MICAL2: variants seen among roughly 807,000 people sequenced by gnomAD.
MICAL2 encodes the protein microtubule associated monooxygenase, calponin and LIM domain containing 2, also known as [F-actin]-monooxygenase MICAL2.
A neutral mutation model predicts 127.3 loss-of-function variants in MICAL2; 77 were observed. The observed-to-expected ratio is 0.60, with a 90% CI of 0.50 to 0.73. The LOEUF (loss-of-function observed/expected upper bound fraction) is 0.73, where lower values mean the gene tolerates loss of function less well. Ranked by LOEUF, MICAL2 falls within the 30% of genes least tolerant of loss-of-function variation. The pLI is 0.00. For missense variants in MICAL2, 1,351 were observed against 1,434.4 expected (o/e 0.94, Z 0.94); for synonymous variants, 570 against 551.1 (o/e 1.03, Z -0.48).
chr11:12,255,381 T>C, intron 22 of MICAL2: 1 of 460,148 alleles, frequency 2.2e-6, no homozygotes. Context: ...CTCTACGATT[T>C]TGACTACTCT....
intron 1 of MICAL2, among the ~76,000 whole-genome samples, chr11:12,127,019 A>C (rs1850980068): frequency 1.3e-5 from 2 of 152,184 alleles, no homozygotes; most frequent in Non-Finnish European, 2.9e-5. Flanking sequence ...GCCTGCTTTG[A>C]AGGTGGGCAG....
At chr11:12,289,301 C>T (rs141437588), downstream of MICAL2, among the ~76,000 whole-genome samples, 68 of 152,312 alleles carry the variant, frequency 4.5e-4, no homozygotes, top group African/African-American at 1.4e-3. Context: ...AGGCAGCCCC[C>T]GGTGGGCCAT....
intron 32 of MICAL2, among the ~76,000 whole-genome samples, chr11:12,349,061 A>G (rs1939001895): frequency 1.3e-5 from 2 of 152,154 alleles, no homozygotes; most frequent in South Asian, 4.1e-4. Flanking sequence ...TCCAGGATAA[A>G]TCCTTCTAGG....
exon 31 of MICAL2, chr11:12,324,004 G>T: frequency 1.2e-6 from 2 of 1,611,178 alleles, no homozygotes; most frequent in Non-Finnish European, 1.7e-6. Flanking sequence ...GAAGAAGAAA[G>T]AAGCTAGAAA....
At chr11:12,272,805 G>A (rs1026157247), upstream of MICAL2, among the ~76,000 whole-genome samples, 1 of 151,894 alleles carries the variant, frequency 6.6e-6, no homozygotes, top group African/African-American at 2.4e-5. Flanking sequence ...GACTGAAGGG[G>A]TAGTGGCCAC....
At chr11:12,299,096 C>T (rs572166178) in intron 29 of MICAL2, among the ~76,000 whole-genome samples, 1 of 152,102 alleles carries the variant, frequency 6.6e-6, no homozygotes, top group Non-Finnish European at 1.5e-5. Context: ...AGTATGACTT[C>T]CTTGCCTTGG....
chr11:12,238,890 C>CA, intron 16 of MICAL2, among the ~76,000 whole-genome samples: 1 of 152,076 alleles, frequency 6.6e-6, no homozygotes, highest in African/African-American at 2.4e-5. Context: ...AAAAAGATAG[C>CA]AAAAATAGAG....
At chr11:12,117,743 G>A (rs1850156113) in intron 1 of MICAL2, among the ~76,000 whole-genome samples, 1 of 152,172 alleles carries the variant, frequency 6.6e-6, no homozygotes, top group Non-Finnish European at 1.5e-5. Context: ...TCAGCTCCAT[G>A]TATCAGGACA....
chr11:12,304,961 G>T (rs914460305), intron 29 of MICAL2, among the ~76,000 whole-genome samples: 2 of 152,134 alleles, frequency 1.3e-5, no homozygotes, highest in Admixed American at 6.5e-5. Context: ...TACAACATTT[G>T]CTGGGAATTT....
intron 22 of MICAL2, chr11:12,253,148 T>A (rs1861787005): frequency 6.6e-6 from 1 of 152,174 alleles, no homozygotes; most frequent in Admixed American, 6.5e-5. Flanking sequence ...GTATGTATAA[T>A]TGTGCCATGC....
chr11:12,281,304 CT>C (rs1266402848), intron 2 of MICAL2, among the ~76,000 whole-genome samples: 5 of 152,200 alleles, frequency 3.3e-5, no homozygotes, highest in Non-Finnish European at 4.4e-5. Flanking sequence ...CCATGAGAAG[CT>C]TTGGAATCCC....
intron 3 of MICAL2, 43 bp from the exon 4 acceptor site, chr11:12,204,207 G>A (rs757308255): frequency 5.6e-5 from 89 of 1,580,778 alleles, no homozygotes; most frequent in Non-Finnish European, 7.6e-5. Flanking sequence ...TGTCTGTGAT[G>A]CTAGAGGTTA....
intron 3 of MICAL2, among the ~76,000 whole-genome samples, chr11:12,195,615 A>G (rs1436012809): frequency 6.6e-6 from 1 of 152,112 alleles, no homozygotes; most frequent in African/African-American, 2.4e-5. Flanking sequence ...TGCTGGAAAT[A>G]TTTACAAATG....
At chr11:12,244,553 G>T (rs761639100) in intron 21 of MICAL2, among the ~76,000 whole-genome samples, 1 of 152,110 alleles carries the variant, frequency 6.6e-6, no homozygotes, top group East Asian at 1.9e-4. Context: ...TAAACTTAAC[G>T]TAACACTATT....
At chr11:12,134,427 G>A (rs1337570127) in intron 1 of MICAL2, among the ~76,000 whole-genome samples, 1 of 152,194 alleles carries the variant, frequency 6.6e-6, no homozygotes, top group Non-Finnish European at 1.5e-5. Context: ...CAACCAGGAA[G>A]CACAGGGCTG....
downstream of MICAL2, chr11:12,294,461 C>T (rs200236973): frequency 5.8e-5 from 94 of 1,614,196 alleles, no homozygotes; most frequent in East Asian, 8.5e-4. Context: ...CCCTGCCCTC[C>T]GCACCCACAG....
chr11:12,171,807 A>C (rs1279527514), intron 3 of MICAL2, among the ~76,000 whole-genome samples: 5 of 152,248 alleles, frequency 3.3e-5, no homozygotes, highest in Admixed American at 2.6e-4. Context: ...ATGTAAGCCC[A>C]TATATAATGT....
intron 18 of MICAL2, among the ~76,000 whole-genome samples, chr11:12,241,601 G>C (rs976315067): frequency 6.6e-6 from 1 of 152,250 alleles, no homozygotes; most frequent in Non-Finnish European, 1.5e-5. Context: ...GCCGGTGCCA[G>C]AGTAGCTGAG....
intron 23 of MICAL2, 38 bp from the exon 24 acceptor site, chr11:12,256,747 A>G: frequency 1.9e-6 from 3 of 1,545,916 alleles, no homozygotes; most frequent in Non-Finnish European, 2.6e-6. Context: ...GGCTCGGGAT[A>G]AGCCATAATA....
Sources: allele counts gnomAD v4.1 joint callset (sites outside exome capture counted in the v4.1 genomes callset), GRCh38; gene constraint gnomAD v4.1.1; transcripts MANE v1.5; gene names NCBI Gene and HGNC (gene_info 2026-07-23, HGNC 2026-07-21).